The following TADA2A variants were observed in gnomAD, a reference collection of about 807,000 sequenced individuals.
TADA2A encodes the protein transcriptional adaptor 2A, also known as transcriptional adapter 2-alpha.
A neutral mutation model predicts 67.4 loss-of-function variants in TADA2A; 38 were observed. The ratio of observed to expected loss-of-function variants is 0.56; its 90% CI spans 0.44 to 0.74. The LOEUF is 0.74. Ranked by LOEUF, TADA2A falls within the 30% of genes least tolerant of loss-of-function variation. The pLI is 0.00. For synonymous variants in TADA2A, 192 were observed against 181.6 expected, an observed-to-expected ratio of 1.06 and a Z score of -0.46; for missense variants, 454 against 547.0, an observed-to-expected ratio of 0.83 and a Z score of 1.70.
intron 2 of TADA2A, among the ~76,000 whole-genome samples, chr17:37,417,092 A>G (rs187993863): frequency 6.6e-6 from 1 of 151,898 alleles, no homozygotes; most frequent in East Asian, 2.0e-4. Flanking sequence ...AAATGTACAT[A>G]CAAAAGACCG....
At chr17:37,445,309 A>G (rs2053044501) in intron 8 of TADA2A, among the ~76,000 whole-genome samples, 1 of 152,200 alleles carries the variant, frequency 6.6e-6, no homozygotes, top group African/African-American at 2.4e-5. Flanking sequence ...TCTGTTACAC[A>G]GGCTGGAGTG....
Position 37,470,413 on chromosome 17 carries a change from C to CGATCACCTCAA in TADA2A, c.912_922dup (p.Lys308IlefsTer44), listed in dbSNP as rs2053760947. The CGATCACCTCAA allele has an allele frequency of 6.2e-7, 1 of 1,613,538 alleles. No homozygotes were observed. The highest frequency in any genetic ancestry group is 1.3e-5 in the African/African-American group (1 of 74,830). ...CTATACCCCCAGGTGCCAGAACCTA[C>CGATCACCTCAA]GATCACCTCAAGAAGACACGGGAGG... On this transcript the variant is annotated frameshift_variant, in exon 13 of 16. Coordinates refer to ENST00000615182, the MANE Select transcript of TADA2A (RefSeq NM_001166105.3). LOFTEE classifies it high-confidence loss of function.
chr17:37,472,269 C>T (rs2053804643), intron 14 of TADA2A, among the ~76,000 whole-genome samples: 1 of 151,224 alleles, frequency 6.6e-6, no homozygotes, highest in Non-Finnish European at 1.5e-5. Flanking sequence ...TTTCGCCATG[C>T]TGGCCAGGCT....
chr17:37,465,735 C>T, intron 11 of TADA2A, 194 bp downstream of exon 11: 4 of 810,872 alleles, frequency 4.9e-6, no homozygotes, highest in Non-Finnish European at 5.6e-6. Flanking sequence ...CTAATGACTT[C>T]CCCCATTGCC....
At chr17:37,427,140 C>G in intron 4 of TADA2A, 131 bp downstream of exon 4, 1 of 666,734 alleles carries the variant, frequency 1.5e-6, no homozygotes, top group Non-Finnish European at 2.3e-6. Context: ...CTCTGAGTAT[C>G]TTTACCTTTT....
chr17:37,472,806 G>T (rs776135103), intron 14 of TADA2A, among the ~76,000 whole-genome samples: 1 of 152,152 alleles, frequency 6.6e-6, no homozygotes, highest in Non-Finnish European at 1.5e-5. Context: ...AGGTTTCAGT[G>T]AGCCAAGATC....
chr17:37,443,896 G>A (rs935530600), intron 7 of TADA2A, among the ~76,000 whole-genome samples: 1 of 152,152 alleles, frequency 6.6e-6, no homozygotes, highest in African/African-American at 2.4e-5. Context: ...TAAAAGACAT[G>A]TGAATGTAGC....
intron 14 of TADA2A, among the ~76,000 whole-genome samples, chr17:37,473,001 A>C (rs1246632060): frequency 5.9e-5 from 9 of 151,834 alleles, no homozygotes; most frequent in Non-Finnish European, 1.2e-4. Context: ...TCCCTCTACT[A>C]TCCAGGCTGG....
chr17:37,465,354 GT>G, intron 10 of TADA2A, 76 bp from the exon 11 acceptor site: 12 of 1,047,450 alleles, frequency 1.1e-5, no homozygotes, highest in Admixed American at 2.6e-5. Context: ...TTTACTAATT[GT>G]AAAAAAAAAA....
At chr17:37,414,848 A>G (rs542540084) in intron 2 of TADA2A, among the ~76,000 whole-genome samples, 2 of 151,816 alleles carry the variant, frequency 1.3e-5, no homozygotes, top group East Asian at 1.9e-4. Context: ...CCTTTTTGCA[A>G]AGAAAAGAGG....
At position 37,411,171 on chromosome 17, in the gene TADA2A, G is replaced by A. The variant is rs987130404; in HGVS notation, c.-97-98G>A. Reference sequence around the variant, plus strand: ...TGGAATAATTTTTCAACATTACAAAGCTAAGATGTGGCAGAGCTGAGTATG... The same window carrying A: ...TGGAATAATTTTTCAACATTACAAAACTAAGATGTGGCAGAGCTGAGTATG... On this transcript the variant is annotated intron_variant, in intron 1 of 15. Coordinates refer to ENST00000615182, the MANE Select transcript of TADA2A (RefSeq NM_001166105.3). 1.2e-5 allele frequency: 7 copies of A among 606,802 alleles called. 1 individual carries two copies. The African/African-American group carries it at 1.3e-4, about 11-fold the overall frequency. The allele number at this position is 606,802 out of a possible 1,614,324, so 37.6% of individuals were successfully genotyped here.
At chr17:37,432,381 G>A (rs1378674068) in intron 4 of TADA2A, among the ~76,000 whole-genome samples, 4 of 151,440 alleles carry the variant, frequency 2.6e-5, no homozygotes, top group Non-Finnish European at 5.9e-5. Flanking sequence ...TGGCCAGATT[G>A]GTCTCGAACC....
rs181935669 is a variant in TADA2A, at chr17:37,437,996, C to T, written c.284+167C>T. On this transcript the variant is annotated intron_variant, in intron 5 of 15. Coordinates refer to ENST00000615182, the MANE Select transcript of TADA2A (RefSeq NM_001166105.3). ...CCTCTGTACATTATTTTTCCAGTGT[C>T]GAAATGTGTCACGAGGATATGGGAT... 164 of 633,536 alleles carry T rather than the reference C, an allele frequency of 2.6e-4. 7 individuals carry two copies. The Admixed American group carries it at 4.6e-3, about 18-fold the overall frequency. 39.2% of individuals were successfully genotyped at this position (633,536 alleles called of 1,614,324 possible). A position where few individuals can be genotyped will look rare whatever the true frequency, so the allele number is the denominator to read the frequency against.
rs1173044805 is a variant in TADA2A at position 37,457,911 on chromosome 17, TAGAA to T, written c.605-610_605-607del. ...AACAATGTCCAAAAAAGGTGTTTAA[TAGAA>T]AGGAGAATTTTTTTTAACTTTTATT... On this transcript the variant is annotated intron_variant, in intron 8 of 15. Coordinates refer to ENST00000615182, the MANE Select transcript of TADA2A (RefSeq NM_001166105.3). Among the ~76,000 whole-genome samples the T allele has an allele frequency of 3.3e-5, 5 of 152,308 alleles. No individual in the cohort carries two copies. The East Asian group carries it at 5.8e-4, about 18-fold the overall frequency.
chr17:37,439,906 CTTTATTTA>C (rs200809737), intron 5 of TADA2A, among the ~76,000 whole-genome samples: 2,118 of 132,088 alleles, frequency 0.016, 63 homozygotes, highest in African/African-American at 0.057. Context: ...TTCCAGTCAT[CTTTATTTA>C]TTTATTTATT....
chr17:37,476,429 T>C (rs1303204101), intron 15 of TADA2A, among the ~76,000 whole-genome samples: 1 of 152,208 alleles, frequency 6.6e-6, no homozygotes, highest in African/African-American at 2.4e-5. Context: ...CTGTGCCCCA[T>C]GGCTCTTCCC....
intron 8 of TADA2A, chr17:37,454,882 A>G: frequency 4.6e-6 from 1 of 219,472 alleles, no homozygotes; most frequent in Non-Finnish European, 1.0e-5. Flanking sequence ...CAGCATCTAC[A>G]CAAAAGATGG....
At chr17:37,443,423 T>A (rs146953222) in intron 7 of TADA2A, among the ~76,000 whole-genome samples, 1 of 152,066 alleles carries the variant, frequency 6.6e-6, no homozygotes, top group Admixed American at 6.6e-5. Context: ...CTGGCTAATT[T>A]TTGTATTTTT....
intron 15 of TADA2A, 94 bp downstream of exon 15, chr17:37,474,723 G>C: frequency 7.4e-7 from 1 of 1,343,886 alleles, no homozygotes; most frequent in Non-Finnish European, 1.0e-6. Context: ...AACCCCTTTT[G>C]TTTCATTCAT....
Sources: allele counts gnomAD v4.1 joint callset (sites outside exome capture counted in the v4.1 genomes callset), GRCh38; gene constraint gnomAD v4.1.1; transcripts MANE v1.5; gene names NCBI Gene and HGNC (gene_info 2026-07-23, HGNC 2026-07-21).